C6: variants seen among roughly 807,000 people sequenced by gnomAD.
C6 encodes complement C6.
C6 carries 101 observed loss-of-function variants against 112.9 expected under a neutral mutation model. The ratio of observed to expected loss-of-function variants is 0.89; its 90% CI spans 0.76 to 1.06. The LOEUF (loss-of-function observed/expected upper bound fraction) is 1.06, where lower values mean the gene tolerates loss of function less well. C6 is among the 50% of genes least tolerant of loss of function. C6 has a pLI of 0.00. For synonymous variants in C6, 431 were observed against 384.1 expected, an observed-to-expected ratio of 1.12 and a Z score of -1.43; for missense variants, 1,202 against 1,104.6, an observed-to-expected ratio of 1.09 and a Z score of -1.25.
At chr5:41,221,414 T>C (rs1027529356) in intron 1 of C6, among the ~76,000 whole-genome samples, 8 of 152,216 alleles carry the variant, frequency 5.3e-5, no homozygotes, top group African/African-American at 1.9e-4. Flanking sequence ...CCCTATCTGA[T>C]GCAATCACAT....
At chr5:41,241,211 G>A (rs561464946) in intron 1 of C6, among the ~76,000 whole-genome samples, 4 of 152,316 alleles carry the variant, frequency 2.6e-5, no homozygotes, top group East Asian at 1.9e-4. Flanking sequence ...TGCTGGAGGC[G>A]GGGTGGGGTT....
chr5:41,143,522 T>G (rs1018159796), intron 17 of C6, among the ~76,000 whole-genome samples: 1 of 152,244 alleles, frequency 6.6e-6, no homozygotes, highest in African/African-American at 2.4e-5. Flanking sequence ...GAGCATGTAC[T>G]GTGAAGCCAC....
intron 8 of C6, 75 bp downstream of exon 8, chr5:41,176,400 A>T: frequency 6.9e-7 from 1 of 1,449,008 alleles, no homozygotes; most frequent in Non-Finnish European, 9.6e-7. Flanking sequence ...AGAATAATTA[A>T]AATGATAGAG....
chr5:41,166,521 T>C (rs960399236), intron 9 of C6, among the ~76,000 whole-genome samples: 2 of 152,126 alleles, frequency 1.3e-5, no homozygotes, highest in Non-Finnish European at 2.9e-5. Context: ...ACCCATTCAT[T>C]TATTCTTTCA....
chr5:41,252,257 A>G (rs1253776507), intron 1 of C6, among the ~76,000 whole-genome samples: 1 of 152,236 alleles, frequency 6.6e-6, no homozygotes, highest in Non-Finnish European at 1.5e-5. Flanking sequence ...TCTGGAAACA[A>G]GATGTAAGCC....
intron 1 of C6, among the ~76,000 whole-genome samples, chr5:41,257,126 C>T (rs376705367): frequency 6.6e-6 from 1 of 152,034 alleles, no homozygotes; most frequent in Non-Finnish European, 1.5e-5. Context: ...ATGATTTTGT[C>T]ACCCAGGTAG....
At position 41,207,454 on chromosome 5, in the gene C6, C is replaced by A. The variant is rs559385717; in HGVS notation, c.-20-4204G>T. On this transcript the variant is annotated intron_variant, in intron 1 of 17. Coordinates refer to ENST00000337836, the MANE Select transcript of C6 (RefSeq NM_000065.5). ...TGGCAAATTGGATAAAGAGTCAAGA[C>A]CCATCAGCGTGCTGTATTCAGGAGA... Among the ~76,000 whole-genome samples the A allele has an allele frequency of 9.2e-4, 140 of 152,262 alleles. 1 individual carries two copies. The highest frequency in any genetic ancestry group is 1.0e-3 in the Non-Finnish European group (69 of 68,030).
At chr5:41,214,889 G>GT (rs961249143), upstream of C6, among the ~76,000 whole-genome samples, 20 of 152,110 alleles carry the variant, frequency 1.3e-4, no homozygotes, top group African/African-American at 4.6e-4. Flanking sequence ...AAGTAAGATT[G>GT]TATGCTGTGG....
intron 17 of C6, among the ~76,000 whole-genome samples, chr5:41,146,715 C>T (rs758698615): frequency 6.6e-6 from 1 of 151,858 alleles, no homozygotes; most frequent in Non-Finnish European, 1.5e-5. Context: ...TTTGACTACC[C>T]AAAGCATTCT....
At chr5:41,256,841 G>T (rs1161383715) in intron 1 of C6, among the ~76,000 whole-genome samples, 2 of 152,098 alleles carry the variant, frequency 1.3e-5, no homozygotes, top group African/African-American at 4.8e-5. Context: ...AATGGGTAAA[G>T]GAACAATTGC....
At chr5:41,243,280 C>T (rs969407645) in intron 1 of C6, among the ~76,000 whole-genome samples, 3 of 152,076 alleles carry the variant, frequency 2.0e-5, no homozygotes, top group Non-Finnish European at 4.4e-5. Context: ...CACATTTATA[C>T]CATTATAAAT....
intron 7 of C6, among the ~76,000 whole-genome samples, chr5:41,180,948 A>AT (rs1275863941): frequency 6.6e-6 from 1 of 152,008 alleles, no homozygotes; most frequent in Non-Finnish European, 1.5e-5. Flanking sequence ...CAAAATACAC[A>AT]TTTTGTTATA....
chr5:41,212,353 G>T (rs889589168), intron 1 of C6, among the ~76,000 whole-genome samples: 1 of 151,984 alleles, frequency 6.6e-6, no homozygotes. Context: ...TGAACTCGGG[G>T]TTTCACCATT....
chr5:41,213,322 T>G, intron 1 of C6, 54 bp downstream of exon 1: 1 of 781,454 alleles, frequency 1.3e-6, no homozygotes. Flanking sequence ...GTTGGAAACA[T>G]GATTAACAAT....
At chr5:41,174,904 A>T (rs905848958) in intron 8 of C6, among the ~76,000 whole-genome samples, 1 of 152,228 alleles carries the variant, frequency 6.6e-6, no homozygotes, top group East Asian at 1.9e-4. Flanking sequence ...AGGTAAGCAC[A>T]TGAACTGGAG....
At position 41,222,743 on chromosome 5, in the gene C6, C is replaced by G. The variant is rs368991639; in HGVS notation, c.-20-19493G>C. On this transcript the variant is annotated intron_variant, in intron 1 of 17. Coordinates refer to the C6 transcript ENST00000263413. ...TAGTATTTTACTACTTTCTGTTTTC[C>G]AAATTTTGTTAAAATATTATGTTTA... is the stretch of plus-strand genomic sequence containing the variant. Among the ~76,000 whole-genome samples, 42 of 152,198 alleles carry G rather than the reference C, an allele frequency of 2.8e-4. 2 individuals are homozygous for G. The South Asian group carries it at 8.1e-3, about 29-fold the overall frequency.
intron 1 of C6, among the ~76,000 whole-genome samples, chr5:41,235,211 T>A (rs1425440871): frequency 7.4e-6 from 1 of 135,362 alleles, no homozygotes; most frequent in Admixed American, 7.4e-5. Context: ...TATCTCCCAA[T>A]GCTATCCCTC....
chr5:41,233,809 C>T (rs894805822), intron 1 of C6, among the ~76,000 whole-genome samples: 2 of 152,006 alleles, frequency 1.3e-5, no homozygotes, highest in African/African-American at 2.4e-5. Context: ...GCTCTAGCCA[C>T]GTTAAGTTAT....
chr5:41,144,620 G>A (rs1235495127), intron 17 of C6, among the ~76,000 whole-genome samples: 1 of 152,054 alleles, frequency 6.6e-6, no homozygotes, highest in African/African-American at 2.4e-5. Flanking sequence ...AGGGATACAT[G>A]TGTTAAGTTT....
Sources: gnomAD v4.1 joint callset for allele counts (sites outside exome capture counted in the v4.1 genomes callset) on GRCh38, gnomAD v4.1.1 for gene constraint, MANE v1.5 for transcripts, NCBI Gene and HGNC (gene_info 2026-07-23, HGNC 2026-07-21) for gene names.